The following ASCC1 variants were observed in gnomAD, a reference collection of about 807,000 sequenced individuals.
ASCC1 encodes the protein ASC-1 complex subunit P50.
ASCC1 carries 35 observed loss-of-function variants against 46.6 expected under a neutral mutation model. The ratio of observed to expected loss-of-function variants is 0.75; its 90% confidence interval spans 0.57 to 0.99. The LOEUF (loss-of-function observed/expected upper bound fraction) is 0.99. ASCC1 is among the 50% of genes least tolerant of loss of function. ASCC1 has a pLI of 0.00. For missense variants in ASCC1, 376 were observed against 428.7 expected (o/e 0.88, Z 1.09); for synonymous variants, 143 against 146.6 (o/e 0.98, Z 0.18).
At chr10:72,157,171 T>C (rs1849085718) in intron 6 of ASCC1, among the ~76,000 whole-genome samples, 1 of 152,166 alleles carries the variant, frequency 6.6e-6, no homozygotes, top group Admixed American at 6.5e-5. Context: ...TATAGCCACC[T>C]CTAATAAGAA....
intron 5 of ASCC1, among the ~76,000 whole-genome samples, chr10:72,188,978 A>C (rs975291229): frequency 6.6e-6 from 1 of 151,508 alleles, no homozygotes; most frequent in African/African-American, 2.4e-5. Flanking sequence ...GCAGTCTTGA[A>C]CTCCTGGGCT....
At chr10:72,161,433 G>A in intron 6 of ASCC1, 105 bp downstream of exon 6, 1 of 1,451,156 alleles carries the variant, frequency 6.9e-7, no homozygotes, top group South Asian at 1.1e-5. Context: ...AATCACATGA[G>A]TCCTTCCCAT....
At chr10:72,129,199 C>T (rs996593641) in intron 8 of ASCC1, among the ~76,000 whole-genome samples, 37 of 152,036 alleles carry the variant, frequency 2.4e-4, no homozygotes, top group Non-Finnish European at 1.0e-4. Context: ...ATCCCAACCC[C>T]GTGCATATTT....
At chr10:72,118,712 G>T (rs944535195) in intron 9 of ASCC1, among the ~76,000 whole-genome samples, 1 of 151,826 alleles carries the variant, frequency 6.6e-6, no homozygotes, top group African/African-American at 2.4e-5. Context: ...CTGGGAGGCA[G>T]ATGCTGCAGT....
Position 72,105,845 on chromosome 10 carries a change from A to G in ASCC1, c.958-8395T>C, listed in dbSNP as rs144167592. 6.5e-4 allele frequency among the ~76,000 whole-genome samples: 99 copies of G among 152,258 alleles called. 1 individual carries two copies. The highest frequency in any genetic ancestry group is 2.3e-3 in the African/African-American group (97 of 41,516). On this transcript the variant is annotated intron_variant, in intron 9 of 9. Coordinates refer to ENST00000672957, the MANE Select transcript of ASCC1 (RefSeq NM_001198800.3). ...TCTACTCCTTCCCCATTGCCCTGTG[A>G]CACAGCCATCAAAGACCAGAAATAA...
intron 6 of ASCC1, among the ~76,000 whole-genome samples, chr10:72,156,458 C>T (rs966442076): frequency 1.3e-5 from 2 of 152,190 alleles, no homozygotes; most frequent in African/African-American, 2.4e-5. Context: ...AAATGTGGTA[C>T]TGCCTTAAAA....
chr10:72,206,125 C>T (rs955490056), intron 3 of ASCC1, among the ~76,000 whole-genome samples: 4 of 147,036 alleles, frequency 2.7e-5, no homozygotes, highest in African/African-American at 7.6e-5. Context: ...AAAAAAGAGG[C>T]CAGGCATGGT....
At chr10:72,174,939 A>T (rs1258891064) in intron 5 of ASCC1, among the ~76,000 whole-genome samples, 1 of 152,204 alleles carries the variant, frequency 6.6e-6, no homozygotes, top group Non-Finnish European at 1.5e-5. Context: ...TGTGTGAGGG[A>T]TCTACCAATT....
intron 7 of ASCC1, among the ~76,000 whole-genome samples, chr10:72,136,017 T>C (rs967606000): frequency 1.3e-5 from 2 of 152,042 alleles, no homozygotes; most frequent in African/African-American, 4.8e-5. Flanking sequence ...TTTGTTGTTG[T>C]TGTTGTTGTT....
chr10:72,176,610 G>A (rs1851886249), intron 5 of ASCC1, among the ~76,000 whole-genome samples: 1 of 152,072 alleles, frequency 6.6e-6, no homozygotes, highest in Non-Finnish European at 1.5e-5. Flanking sequence ...CTCCCAAAGT[G>A]TTAAGATTAC....
chr10:72,135,822 G>A (rs1167238358), intron 7 of ASCC1, among the ~76,000 whole-genome samples: 3 of 152,194 alleles, frequency 2.0e-5, no homozygotes, highest in Non-Finnish European at 2.9e-5. Flanking sequence ...AGAAGTGAAG[G>A]TGACTCTAAA....
chr10:72,153,452 G>A (rs1848597480), intron 6 of ASCC1, among the ~76,000 whole-genome samples: 1 of 143,578 alleles, frequency 7.0e-6, no homozygotes, highest in Non-Finnish European at 1.5e-5. Flanking sequence ...TTTTGAGACG[G>A]AGTTTTGCTG....
At chr10:72,149,097 C>T (rs186212965) in intron 7 of ASCC1, among the ~76,000 whole-genome samples, 2 of 151,944 alleles carry the variant, frequency 1.3e-5, no homozygotes, top group Non-Finnish European at 2.9e-5. Flanking sequence ...CCTATCTTCT[C>T]ACTAAATTTG....
At chr10:72,193,478 A>C (rs866340442) in intron 5 of ASCC1, among the ~76,000 whole-genome samples, 21 of 145,522 alleles carry the variant, frequency 1.4e-4, no homozygotes, top group Non-Finnish European at 2.4e-4. Context: ...ACACACACAC[A>C]CCACACACAC....
At chr10:72,106,561 A>G (rs760078478) in intron 9 of ASCC1, among the ~76,000 whole-genome samples, 11 of 151,000 alleles carry the variant, frequency 7.3e-5, no homozygotes, top group Non-Finnish European at 1.6e-4. Flanking sequence ...TTTTGTACTT[A>G]ATAATAACAC....
At chr10:72,214,759 G>A (rs1858845302) in intron 1 of ASCC1, among the ~76,000 whole-genome samples, 1 of 151,196 alleles carries the variant, frequency 6.6e-6, no homozygotes, top group South Asian at 2.1e-4. Flanking sequence ...AAGCCCCTAA[G>A]TACTTTTAGA....
chr10:72,108,934 T>C (rs1842636525), intron 9 of ASCC1, among the ~76,000 whole-genome samples: 1 of 152,182 alleles, frequency 6.6e-6, no homozygotes, highest in Admixed American at 6.6e-5. Context: ...GTAATATTTT[T>C]AAAGACCAAA....
intron 7 of ASCC1, among the ~76,000 whole-genome samples, chr10:72,147,399 T>C (rs1349224202): frequency 6.6e-6 from 1 of 151,974 alleles, no homozygotes; most frequent in East Asian, 1.9e-4. Flanking sequence ...GTTACAGGCA[T>C]GAGCCACCAC....
chr10:72,137,485 G>A (rs1396520953), intron 7 of ASCC1, among the ~76,000 whole-genome samples: 4 of 132,144 alleles, frequency 3.0e-5, no homozygotes, highest in African/African-American at 6.0e-5. Context: ...CCAAGATTGC[G>A]CCATTGCACT....
Sources: allele counts gnomAD v4.1 joint callset (sites outside exome capture counted in the v4.1 genomes callset), GRCh38; gene constraint gnomAD v4.1.1; transcripts MANE v1.5; gene names NCBI Gene and HGNC (gene_info 2026-07-23, HGNC 2026-07-21).